The following CDKN2B-AS1 variants were observed in gnomAD, a reference collection of about 807,000 sequenced individuals.
CDKN2B-AS1 encodes the protein CDKN2B and CDKN2A antisense cis and trans regulatory RNA 1.
At chr9:22,101,594 T>C (rs1216251291) in intron 4 of CDKN2B-AS1, among the ~76,000 whole-genome samples, 1 of 151,900 alleles carries the variant, frequency 6.6e-6, no homozygotes, top group African/African-American at 2.4e-5. Context: ...CTTTCTCTGG[T>C]GAATAATTTG....
intron 1 of CDKN2B-AS1, among the ~76,000 whole-genome samples, chr9:22,020,256 T>C (rs889701439): frequency 6.6e-6 from 1 of 152,230 alleles, no homozygotes; most frequent in African/African-American, 2.4e-5. Flanking sequence ...GTACCACATT[T>C]TCTTTATCCA....
rs557816855 is a variant in CDKN2B-AS1 at position 22,011,237 on chromosome 9, C to G, written n.29+16076C>G. Among the ~76,000 whole-genome samples, 10 of 152,300 alleles carry G rather than the reference C, an allele frequency of 6.6e-5. No homozygotes were observed. In the South Asian group the frequency reaches 2.1e-3, roughly 32 times the overall value. On this transcript the variant is annotated intron_variant and non_coding_transcript_variant, in intron 1 of 4. Transcript: ENST00000650946. ...AAATAGAAAGGACATTATGGAAGCTCAATGAATTTCTTTGAAAAACCAACC... is the reference window on the plus strand; with the variant it reads ...AAATAGAAAGGACATTATGGAAGCTGAATGAATTTCTTTGAAAAACCAACC...
chr9:22,094,622 G>T (rs772562436), intron 4 of CDKN2B-AS1, among the ~76,000 whole-genome samples: 1 of 144,352 alleles, frequency 6.9e-6, no homozygotes. Flanking sequence ...TGAGGCTTGT[G>T]CATTCGTCAT....
intron 4 of CDKN2B-AS1, among the ~76,000 whole-genome samples, chr9:22,075,114 T>G (rs1036877831): frequency 1.3e-5 from 2 of 152,228 alleles, no homozygotes; most frequent in Non-Finnish European, 2.9e-5. Flanking sequence ...AGAGAAATAT[T>G]AATAAGACTT....
chr9:22,008,949 C>G, intron 1 of CDKN2B-AS1: 1 of 1,613,058 alleles, frequency 6.2e-7, no homozygotes, highest in Non-Finnish European at 8.5e-7. Context: ...GTTCTCCTCG[C>G]GCATTCCGCA....
chr9:22,015,897 T>C (rs573011186), intron 1 of CDKN2B-AS1, among the ~76,000 whole-genome samples: 7 of 152,356 alleles, frequency 4.6e-5, no homozygotes, highest in Admixed American at 3.3e-4. Context: ...TGTCTTCTTT[T>C]GAGAAGTGTC....
intron 1 of CDKN2B-AS1, among the ~76,000 whole-genome samples, chr9:22,019,465 G>A (rs1490839413): frequency 6.6e-6 from 1 of 152,182 alleles, no homozygotes; most frequent in African/African-American, 2.4e-5. Flanking sequence ...GGAGATGGAA[G>A]ATGAGGGAAG....
chr9:22,017,065 C>T (rs1246602611), intron 1 of CDKN2B-AS1, among the ~76,000 whole-genome samples: 1 of 152,154 alleles, frequency 6.6e-6, no homozygotes, highest in Non-Finnish European at 1.5e-5. Flanking sequence ...TACTTCCAGT[C>T]CTATACATAA....
chr9:22,109,100 A>G (rs537283633), intron 4 of CDKN2B-AS1, among the ~76,000 whole-genome samples: 2 of 152,328 alleles, frequency 1.3e-5, no homozygotes, highest in South Asian at 4.1e-4. Context: ...TAAGCATTAC[A>G]GCAAATAAGA....
At chr9:22,008,969 C>T (rs755368672) in intron 1 of CDKN2B-AS1, 6 of 1,613,278 alleles carry the variant, frequency 3.7e-6, no homozygotes, top group Non-Finnish European at 5.1e-6. Context: ...AGCCCCCAGA[C>T]GCGCAGCGGC....
chr9:22,057,531 A>G (rs77728904), intron 4 of CDKN2B-AS1, among the ~76,000 whole-genome samples: 1 of 152,168 alleles, frequency 6.6e-6, no homozygotes, highest in African/African-American at 2.4e-5. Flanking sequence ...AGTATTGGCC[A>G]GGTGTGGTGG....
intron 4 of CDKN2B-AS1, among the ~76,000 whole-genome samples, chr9:22,095,353 A>G: frequency 6.9e-6 from 1 of 144,744 alleles, no homozygotes; most frequent in Non-Finnish European, 1.5e-5. Context: ...TTATGTACCC[A>G]GTAGTCATTC....
At chr9:22,062,538 C>T (rs1823864546) in intron 4 of CDKN2B-AS1, among the ~76,000 whole-genome samples, 1 of 152,106 alleles carries the variant, frequency 6.6e-6, no homozygotes, top group Admixed American at 6.6e-5. Flanking sequence ...GACTTGGCAG[C>T]CCTTAATGGG....
chr9:22,013,097 C>A (rs896571818), intron 1 of CDKN2B-AS1, among the ~76,000 whole-genome samples: 5 of 152,178 alleles, frequency 3.3e-5, no homozygotes, highest in Non-Finnish European at 4.4e-5. Context: ...TCCCTCTGTG[C>A]ACACGTGCCC....
At position 22,006,211 on chromosome 9, in the gene CDKN2B-AS1, G is replaced by A. The variant is rs773670765; in HGVS notation, n.29+11050G>A. On this transcript the variant is annotated intron_variant and non_coding_transcript_variant, in intron 1 of 4. Transcript: ENST00000650946. The surrounding 1 kb of genome is among the most constrained non-coding windows in gnomAD (Gnocchi z 6.4). The stretch of plus-strand genomic sequence containing the variant: ...TTGGGCTCCGCGCCGTGGAGCAGCA[G>A]CAGCTCCGCCACGCGGGCGCTGCCC... The A allele has an allele frequency of 1.8e-5, 29 of 1,608,156 alleles. No individual in the cohort carries two copies. Among genetic ancestry groups the A allele is most frequent in the Non-Finnish European group, 2.4e-5 (28 of 1,179,878 alleles).
At position 22,039,375 on chromosome 9, in the gene CDKN2B-AS1, C is replaced by G. The variant is rs780381758; in HGVS notation, n.30-7376C>G. Among the ~76,000 whole-genome samples, 1 of 151,964 alleles carries G rather than the reference C, an allele frequency of 6.6e-6. No homozygotes were observed. The highest frequency in any genetic ancestry group is 2.4e-5 in the African/African-American group (1 of 41,396). On this transcript the variant is annotated intron_variant and non_coding_transcript_variant, in intron 1 of 4. Coordinates refer to ENST00000650946, the Ensembl canonical transcript of CDKN2B-AS1. The surrounding 1 kb of genome is among the most constrained non-coding windows in gnomAD (Gnocchi z 4.4). ...GTATAATTTTTCTTTTCGCTCTTGT[C>G]CTTCACCTTCCTGTGGCAACAAGAG...
rs75645892 is a variant in CDKN2B-AS1, at chr9:22,100,249, C to G, written n.439-26854C>G. 4.1e-3 allele frequency among the ~76,000 whole-genome samples: 619 copies of G among 152,150 alleles called. 7 individuals carry two copies. Among genetic ancestry groups the G allele is most frequent in the African/African-American group, 0.014 (585 of 41,526 alleles). ...GAGTCATTGAGTAGTGTAACCATTCCTACAATGGTTATAGCACATTTTTAT... is the reference window on the plus strand; with the variant it reads ...GAGTCATTGAGTAGTGTAACCATTCGTACAATGGTTATAGCACATTTTTAT... On this transcript the variant is annotated intron_variant and non_coding_transcript_variant, in intron 4 of 4. Coordinates refer to ENST00000650946, the Ensembl canonical transcript of CDKN2B-AS1.
chr9:21,996,546 A>C lies in CDKN2B-AS1; in HGVS notation n.29+1385A>C, dbSNP rs1219305140. 6.6e-6 allele frequency among the ~76,000 whole-genome samples: 1 copy of C among 151,992 alleles called. No individual in the cohort carries two copies. The highest frequency in any genetic ancestry group is 1.5e-5 in the Non-Finnish European group (1 of 67,992). ...CGTGATTTTTTTCTTTATAGCACTT[A>C]GGACGAAGAGATTATTTTACTTATG... On this transcript the variant is annotated intron_variant and non_coding_transcript_variant, in intron 1 of 4. Transcript: ENST00000650946. This position sits in a 1 kb window ranked among gnomAD's most constrained non-coding sequence, Gnocchi z 5.4.
At chr9:22,022,983 G>C (rs11789770) in intron 1 of CDKN2B-AS1, among the ~76,000 whole-genome samples, 8 of 152,170 alleles carry the variant, frequency 5.3e-5, no homozygotes, top group Non-Finnish European at 1.2e-4. Context: ...TAGGGTTTCA[G>C]CTGAGAGGTC....
Sources: allele counts gnomAD v4.1 joint callset (sites outside exome capture counted in the v4.1 genomes callset), GRCh38; gene constraint gnomAD v4.1.1; non-coding constraint Gnocchi (gnomAD v3.1); transcripts MANE v1.5; gene names NCBI Gene and HGNC (gene_info 2026-07-23, HGNC 2026-07-21).